VPS8: variants seen among roughly 807,000 people sequenced by gnomAD.
VPS8 encodes the protein VPS8 subunit of CORVET complex.
In VPS8, 129 loss-of-function variants were observed where a neutral mutation model predicts 216.4. The ratio of observed to expected loss-of-function variants is 0.60; its 90% CI spans 0.52 to 0.69. The LOEUF (loss-of-function observed/expected upper bound fraction) is 0.69. VPS8 is among the 30% of genes least tolerant of loss of function. The probability of loss-of-function intolerance (pLI) is 0.00; values close to 1 mark genes in which losing one functional copy is unlikely to be tolerated. For missense variants in VPS8, 1,531 were observed against 1,683.5 expected (o/e 0.91, Z 1.59); for synonymous variants, 571 against 565.4 (o/e 1.01, Z -0.14).
intron 9 of VPS8, chr3:184,849,396 T>C: frequency 2.0e-6 from 1 of 509,992 alleles, no homozygotes; most frequent in Non-Finnish European, 3.2e-6. Context: ...TCTGTAATTT[T>C]TTATATCCTA....
At chr3:184,926,551 C>T (rs765237550) in intron 30 of VPS8, 43 bp from the exon 31 acceptor site, 3 of 1,536,106 alleles carry the variant, frequency 2.0e-6, no homozygotes, top group Non-Finnish European at 1.8e-6. Context: ...GTATTAATGT[C>T]TAGATGCTGA....
At chr3:184,881,030 T>G (rs1273155817) in intron 21 of VPS8, among the ~76,000 whole-genome samples, 1 of 152,180 alleles carries the variant, frequency 6.6e-6, no homozygotes, top group Admixed American at 6.5e-5. Flanking sequence ...TACTGTTGAA[T>G]TTTTAGGGTT....
chr3:185,033,816 G>C (rs1017184486), intron 46 of VPS8, among the ~76,000 whole-genome samples: 3 of 152,158 alleles, frequency 2.0e-5, no homozygotes, highest in African/African-American at 4.8e-5. Context: ...TTGAATTTTA[G>C]CCATTCTAAT....
chr3:184,952,604 A>G (rs1360007623), intron 36 of VPS8, among the ~76,000 whole-genome samples: 2 of 152,202 alleles, frequency 1.3e-5, no homozygotes, highest in East Asian at 3.8e-4. Flanking sequence ...TATATTCAGT[A>G]ACCTATAGGA....
intron 34 of VPS8, among the ~76,000 whole-genome samples, chr3:184,935,397 A>G (rs1347313461): frequency 6.6e-6 from 1 of 152,208 alleles, no homozygotes; most frequent in Non-Finnish European, 1.5e-5. Context: ...TATTTGTGGC[A>G]GCTAATTATT....
At chr3:184,915,594 A>C in intron 28 of VPS8, 120 bp downstream of exon 28, 8 of 1,080,742 alleles carry the variant, frequency 7.4e-6, no homozygotes, top group Non-Finnish European at 1.0e-5. Context: ...AGATCATCTG[A>C]GGTCAGGAGT....
At chr3:184,885,416 C>G (rs1235512968) in intron 21 of VPS8, among the ~76,000 whole-genome samples, 6 of 152,072 alleles carry the variant, frequency 3.9e-5, no homozygotes, top group Non-Finnish European at 7.4e-5. Flanking sequence ...TGAAAAGGGT[C>G]AAAATTATGG....
intron 42 of VPS8, among the ~76,000 whole-genome samples, chr3:184,988,668 C>T (rs766164845): frequency 7.2e-5 from 11 of 152,110 alleles, no homozygotes; most frequent in Non-Finnish European, 1.5e-4. Context: ...ACTTCAGAAA[C>T]GGTTTGTTGA....
At position 184,849,088 on chromosome 3, in the gene VPS8, C is replaced by T. The variant is rs756213181; in HGVS notation, c.559C>T (p.Arg187Ter). 5 of 1,612,936 alleles carry T rather than the reference C, an allele frequency of 3.1e-6. No individual in the cohort carries two copies. The highest frequency in any genetic ancestry group is 2.2e-5 in the East Asian group (1 of 44,840). ...IFGKDQNQAL[R>*]LCLGSTSVGG... Reference sequence around the variant, plus strand: ...TTCTTTAGATCAGAATCAAGCTTTGCGACTCTGTCTGGGTAGCACTAGTGT... The same window carrying T: ...TTCTTTAGATCAGAATCAAGCTTTGTGACTCTGTCTGGGTAGCACTAGTGT... The change falls in exon 9 of 48, where the codon CGA becomes TGA. Residue 187 changes from arginine to a stop codon, truncating the protein, a stop_gained. Transcript: ENST00000625842. LOFTEE classifies it high-confidence loss of function.
chr3:184,813,091 G>T (rs1310882282), intron 1 of VPS8, among the ~76,000 whole-genome samples: 1 of 152,142 alleles, frequency 6.6e-6, no homozygotes, highest in Non-Finnish European at 1.5e-5. Context: ...TGTACAAAAT[G>T]GGGGTGCTTT....
At chr3:184,939,893 C>G (rs1336080464) in intron 35 of VPS8, among the ~76,000 whole-genome samples, 1 of 152,174 alleles carries the variant, frequency 6.6e-6, no homozygotes, top group East Asian at 1.9e-4. Flanking sequence ...GCACCTGCCA[C>G]TCCGAGGGTC....
rs1244258507 is a variant in VPS8, at chr3:184,840,036, G to A, written c.535+284G>A. The A allele has an allele frequency of 5.3e-6, 3 of 570,724 alleles. No individual in the cohort carries two copies. In the East Asian group the frequency reaches 2.4e-4, roughly 46 times the overall value. 35.4% of individuals were successfully genotyped at this position (570,724 alleles called of 1,614,324 possible). A position where few individuals can be genotyped will look rare whatever the true frequency, so the allele number is the denominator to read the frequency against. On this transcript the variant is annotated intron_variant, in intron 7 of 47. Transcript: ENST00000625842. ...AAGAATAAAGTTGAAGGGAACCTTG[G>A]GTTATCATCTTGTCTGCCTCCGGTT...
At chr3:184,843,219 T>C in intron 7 of VPS8, 21 bp from the exon 8 acceptor site, 2 of 1,428,452 alleles carry the variant, frequency 1.4e-6, no homozygotes, top group Non-Finnish European at 1.8e-6. Context: ...TTTCTTGATC[T>C]TTTCTTCATG....
chr3:185,021,333 A>G (rs566749069), intron 45 of VPS8, among the ~76,000 whole-genome samples: 15 of 152,146 alleles, frequency 9.9e-5, no homozygotes, highest in Non-Finnish European at 1.8e-4. Flanking sequence ...AAGGCCTTTC[A>G]TGAGGGATGC....
intron 25 of VPS8, among the ~76,000 whole-genome samples, chr3:184,912,457 G>A (rs1306254000): frequency 2.6e-5 from 4 of 152,196 alleles, no homozygotes; most frequent in Admixed American, 6.5e-5. Flanking sequence ...ACCAAAGGTA[G>A]CCAGGATTTT....
intron 45 of VPS8, among the ~76,000 whole-genome samples, chr3:185,019,062 C>T (rs767847914): frequency 2.0e-5 from 3 of 152,154 alleles, no homozygotes; most frequent in Middle Eastern, 3.2e-3. Flanking sequence ...TCTGTTACTT[C>T]GTTGTACTCT....
intron 40 of VPS8, among the ~76,000 whole-genome samples, chr3:184,972,701 AAGG>A (rs1401669277): frequency 1.3e-5 from 2 of 152,224 alleles, no homozygotes; most frequent in Non-Finnish European, 2.9e-5. Context: ...AACAAAACTG[AAGG>A]AGGTATCGTT....
intron 37 of VPS8, among the ~76,000 whole-genome samples, chr3:184,959,827 T>A (rs2109502236): frequency 6.6e-6 from 1 of 152,136 alleles, no homozygotes; most frequent in South Asian, 2.1e-4. Context: ...TTCTATTCTT[T>A]TATTTTTATT....
intron 47 of VPS8, among the ~76,000 whole-genome samples, chr3:185,050,068 C>T (rs984446563): frequency 1.1e-4 from 17 of 151,912 alleles, no homozygotes; most frequent in Admixed American, 6.6e-4. Context: ...CATTGATTTC[C>T]GGATCACAAA....
Sources: gnomAD v4.1 joint callset for allele counts (sites outside exome capture counted in the v4.1 genomes callset) on GRCh38, gnomAD v4.1.1 for gene constraint, MANE v1.5 for transcripts, NCBI Gene and HGNC (gene_info 2026-07-23, HGNC 2026-07-21) for gene names.